The following CYP3A43 variants were observed in gnomAD, a reference collection of about 807,000 sequenced individuals.
The protein encoded by CYP3A43 is cytochrome P450 3A43.
CYP3A43 carries 45 observed loss-of-function variants against 58.0 expected under a neutral mutation model. The ratio of observed to expected loss-of-function variants is 0.78; its 90% CI spans 0.61 to 0.99. CYP3A43 has a LOEUF of 0.99. Ranked by LOEUF, CYP3A43 falls within the 50% of genes least tolerant of loss-of-function variation. The probability of loss-of-function intolerance (pLI) is 0.00; values close to 1 mark genes in which losing one functional copy is unlikely to be tolerated. For synonymous variants in CYP3A43, 191 were observed against 201.4 expected, an observed-to-expected ratio of 0.95 and a Z score of 0.44; for missense variants, 593 against 591.9, an observed-to-expected ratio of 1.00 and a Z score of -0.02.
At chr7:99,831,975 G>T (rs1363556533) in intron 1 of CYP3A43, among the ~76,000 whole-genome samples, 1 of 152,150 alleles carries the variant, frequency 6.6e-6, no homozygotes, top group Non-Finnish European at 1.5e-5. Flanking sequence ...TTTGGGTGTA[G>T]CTGGAAGGTG....
intron 11 of CYP3A43, among the ~76,000 whole-genome samples, 186 bp from the exon 12 acceptor site, chr7:99,863,351 A>G (rs1239665426): frequency 6.6e-6 from 1 of 152,238 alleles, no homozygotes; most frequent in African/African-American, 2.4e-5. Flanking sequence ...AAATTTGAAT[A>G]AACATGGGTT....
At chr7:99,834,841 G>A (rs181510324) in intron 1 of CYP3A43, among the ~76,000 whole-genome samples, 14 of 152,304 alleles carry the variant, frequency 9.2e-5, no homozygotes, top group Non-Finnish European at 1.8e-4. Flanking sequence ...TGGTTCACTG[G>A]TAGGGTTAAG....
chr7:99,859,795 C>T (rs768783961), intron 9 of CYP3A43, 35 bp from the exon 10 acceptor site: 2 of 1,613,540 alleles, frequency 1.2e-6, no homozygotes, highest in Admixed American at 3.3e-5. Flanking sequence ...TCTACACTAA[C>T]CACTTTTCCT....
intron 4 of CYP3A43, among the ~76,000 whole-genome samples, 179 bp from the exon 5 acceptor site, chr7:99,847,309 C>T (rs755338350): frequency 1.1e-4 from 16 of 151,824 alleles, no homozygotes; most frequent in Non-Finnish European, 1.6e-4. Flanking sequence ...CTTCCATATG[C>T]TTACAGGAGG....
rs375014878 is a variant in CYP3A43 at position 99,848,266 on chromosome 7, A to G, written c.521+12A>G. On this transcript the variant is annotated intron_variant, in intron 6 of 12. Transcript: ENST00000354829. The stretch of plus-strand genomic sequence containing the variant: ...ATCAACTTGAAAGAGTAAGTAGCAC[A>G]GTCTTGAGGTTCTGAGCTGTCATGA... The G allele has an allele frequency of 1.2e-6, 2 of 1,613,614 alleles. No homozygotes were observed. The highest frequency in any genetic ancestry group is 2.7e-5 in the African/African-American group (2 of 74,934).
In CYP3A43 at chr7:99,859,916, A is replaced by T; in HGVS notation, c.952A>T (p.Met318Leu). ...AACTAGCACCACTCTCCCCTTCATT[A>T]TGTATGAACTGGCCACTCACCCTGA... is the stretch of plus-strand genomic sequence containing the variant. Reference protein sequence around the residue: ...DTTSTTLPFIMYELATHPDVQ... With the variant: ...DTTSTTLPFILYELATHPDVQ... The change falls in exon 10 of 13, where the codon ATG becomes TTG. Residue 318 changes from methionine to leucine, a missense_variant. Coordinates refer to ENST00000354829, the MANE Select transcript of CYP3A43 (RefSeq NM_057095.3). The T allele has an allele frequency of 6.2e-7, 1 of 1,613,898 alleles. No individual in the cohort carries two copies. Among genetic ancestry groups the T allele is most frequent in the Non-Finnish European group, 8.5e-7 (1 of 1,179,938 alleles).
At chr7:99,855,755 T>A in intron 8 of CYP3A43, 37 bp downstream of exon 8, 1 of 1,560,664 alleles carries the variant, frequency 6.4e-7, no homozygotes, top group Non-Finnish European at 8.7e-7. Context: ...AATGTTCACT[T>A]TTTTATTATA....
In CYP3A43 at chr7:99,863,536, G is replaced by T. The variant is rs954539673; in HGVS notation, c.1254-1G>T. On this transcript the variant is annotated splice_acceptor_variant, in intron 11 of 12. Transcript: ENST00000354829. LOFTEE classifies it high-confidence loss of function. The stretch of plus-strand genomic sequence containing the variant: ...GTTTTTATGTACTACTGTGAAAGTA[G>T]GTTCAGTAAGAAGAACAAGGACAGC... 6.3e-7 allele frequency: 1 copy of T among 1,592,606 alleles called. No individual in the cohort carries two copies. The highest frequency in any genetic ancestry group is 2.2e-5 in the East Asian group (1 of 44,612).
At chr7:99,854,984 A>C (rs1026560263) in intron 7 of CYP3A43, among the ~76,000 whole-genome samples, 1 of 151,784 alleles carries the variant, frequency 6.6e-6, no homozygotes, top group African/African-American at 2.4e-5. Context: ...TCCCTGGTTC[A>C]AGCGATTCTC....
At chr7:99,830,439 A>G (rs562983154) in intron 1 of CYP3A43, among the ~76,000 whole-genome samples, 8 of 152,196 alleles carry the variant, frequency 5.3e-5, no homozygotes, top group Admixed American at 3.9e-4. Flanking sequence ...AATCGCCTGA[A>G]CCCTGGAGGC....
At chr7:99,855,950 C>T (rs1278146956) in intron 8 of CYP3A43, among the ~76,000 whole-genome samples, 2 of 152,112 alleles carry the variant, frequency 1.3e-5, no homozygotes, top group Admixed American at 6.6e-5. Context: ...TATATTATGG[C>T]ATAAATAATG....
intron 1 of CYP3A43, among the ~76,000 whole-genome samples, chr7:99,836,189 G>T (rs1030783311): frequency 6.6e-6 from 1 of 152,212 alleles, no homozygotes. Context: ...GGAAGAAAGT[G>T]AGGCTCAGTC....
intron 7 of CYP3A43, chr7:99,849,997 GC>G (rs1359817647): frequency 2.4e-6 from 1 of 421,454 alleles, no homozygotes; most frequent in Non-Finnish European, 4.5e-6. Context: ...TCGCTGTGTT[GC>G]CTAGGCCGGA....
rs951086139 is a variant in CYP3A43, at chr7:99,849,791, C to T, written c.670+97C>T. 7.4e-6 allele frequency: 9 copies of T among 1,209,200 alleles called. No homozygotes were observed. In the South Asian group the frequency reaches 1.1e-4, roughly 15 times the overall value. 74.9% of individuals were successfully genotyped at this position (1,209,200 alleles called of 1,614,324 possible). A position where few individuals can be genotyped will look rare whatever the true frequency, so the allele number is the denominator to read the frequency against. On this transcript the variant is annotated intron_variant, in intron 7 of 12. Transcript: ENST00000354829. The stretch of plus-strand genomic sequence containing the variant: ...AACAAAATTCACATACCATATAATT[C>T]ACCTACTTAAAATGTATAATTCAAT...
chr7:99,854,198 C>T (rs1189470774), intron 7 of CYP3A43, among the ~76,000 whole-genome samples: 1 of 151,718 alleles, frequency 6.6e-6, no homozygotes, highest in Non-Finnish European at 1.5e-5. Flanking sequence ...TCCTTCTACT[C>T]TCTATGTCCA....
In CYP3A43 at chr7:99,861,628, G is replaced by A. The variant is rs762866716; in HGVS notation, c.1042G>A (p.Asp348Asn). Residue 348 changes from aspartate (D) to asparagine (N), a missense_variant, in exon 11 of 13, where the codon GAT (aspartate) becomes AAT (asparagine). Coordinates refer to ENST00000354829, the MANE Select transcript of CYP3A43 (RefSeq NM_057095.3). Reference protein sequence around the residue: ...VLPNKAPVTYDALVQMEYLDM... With the variant: ...VLPNKAPVTYNALVQMEYLDM... ...TTCTTCCCAGGCACCTGTCACCTACGATGCCCTGGTACAGATGGAGTACCT... is the reference window on the plus strand; with the variant it reads ...TTCTTCCCAGGCACCTGTCACCTACAATGCCCTGGTACAGATGGAGTACCT... 9 of 1,613,854 alleles carry A rather than the reference G, an allele frequency of 5.6e-6. No individual in the cohort carries two copies. In the East Asian group the frequency reaches 1.1e-4, roughly 20 times the overall value.
chr7:99,846,694 T>C (rs1817552576), intron 4 of CYP3A43, among the ~76,000 whole-genome samples: 1 of 152,182 alleles, frequency 6.6e-6, no homozygotes, highest in South Asian at 2.1e-4. Context: ...CACCATTAAG[T>C]GTGATTTAGC....
chr7:99,853,744 A>G (rs1817851076), intron 7 of CYP3A43, among the ~76,000 whole-genome samples: 1 of 152,174 alleles, frequency 6.6e-6, no homozygotes, highest in South Asian at 2.1e-4. Context: ...TTTAGTAAAG[A>G]CAAGGTTTTT....
intron 4 of CYP3A43, 125 bp from the exon 5 acceptor site, chr7:99,847,363 C>A: frequency 1.1e-6 from 1 of 914,594 alleles, no homozygotes; most frequent in Non-Finnish European, 1.6e-6. Context: ...TAGTATAGAG[C>A]CTGCCACCCA....
Sources: allele counts gnomAD v4.1 joint callset (sites outside exome capture counted in the v4.1 genomes callset), GRCh38; gene constraint gnomAD v4.1.1; transcripts MANE v1.5; gene names NCBI Gene and HGNC (gene_info 2026-07-23, HGNC 2026-07-21).